CHD6: variants seen among roughly 807,000 people sequenced by gnomAD.
CHD6 encodes ATP-dependent chromatin remodeler CHD6.
Under a neutral mutation model 276.9 loss-of-function variants are expected in CHD6, and 50 were observed. The observed-to-expected ratio is 0.18, with a 90% CI of 0.14 to 0.23. CHD6 has a LOEUF of 0.23. Ranked by LOEUF, CHD6 falls within the 10% of genes least tolerant of loss-of-function variation. The pLI, the probability that CHD6 is intolerant of heterozygous loss-of-function variation, is 1.00. For missense variants in CHD6, 2,564 were observed against 3,365.8 expected, an observed-to-expected ratio of 0.76 and a Z score of 5.89; for synonymous variants, 1,173 against 1,229.3, an observed-to-expected ratio of 0.95 and a Z score of 0.96.
Position 41,528,064 on chromosome 20 carries a change from T to G in CHD6, c.554+4986A>C, listed in dbSNP as rs557759242. On this transcript the variant is annotated intron_variant, in intron 3 of 36. Coordinates refer to ENST00000373233, the MANE Select transcript of CHD6 (RefSeq NM_032221.5). ...TTTCTGTTCATTATACATTATCCAGTCTGTGTATTCTGTTATAGCAACATA... is the reference window on the plus strand; with the variant it reads ...TTTCTGTTCATTATACATTATCCAGGCTGTGTATTCTGTTATAGCAACATA... Among the ~76,000 whole-genome samples, 5 of 152,318 alleles carry G rather than the reference T, an allele frequency of 3.3e-5. No individual in the cohort carries two copies. In the South Asian group the frequency reaches 1.0e-3, roughly 32 times the overall value.
chr20:41,591,996 G>T (rs1456217383), intron 1 of CHD6, among the ~76,000 whole-genome samples: 2 of 152,110 alleles, frequency 1.3e-5, no homozygotes, highest in African/African-American at 4.8e-5. Flanking sequence ...CTACTCAGGA[G>T]GCAGAGGCAA....
At position 41,416,634 on chromosome 20, in the gene CHD6, T is replaced by A. The variant is rs369607783; in HGVS notation, c.6440A>T (p.Glu2147Val). 6.2e-7 allele frequency: 1 copy of A among 1,613,794 alleles called. No individual in the cohort carries two copies. The highest frequency in any genetic ancestry group is 1.3e-5 in the African/African-American group (1 of 74,928). The part of the protein sequence containing the change: ...RTSLSEPEAA[E>V]HSFSNGAALA... ...TGCTGCGCCGTTGCTGAAGCTGTGT[T>A]CTGCTGCTTCCGGCTCTGAGAGGCT... is the stretch of plus-strand genomic sequence containing the variant. The change falls in exon 33 of 37, where the codon GAA becomes GTA. Residue 2147 changes from glutamate (E) to valine (V), a missense_variant. This residue lies in a region of CHD6 where 1,024 missense variants were observed against 1,047.9 expected (regional missense o/e 0.98). Transcript: ENST00000373233.
chr20:41,581,528 A>G (rs1601164048), intron 1 of CHD6, among the ~76,000 whole-genome samples: 2 of 152,080 alleles, frequency 1.3e-5, no homozygotes, highest in East Asian at 3.9e-4. Context: ...TACAAAAATT[A>G]GCTGGGTGTG....
chr20:41,458,003 ATAT>A (rs930608381), intron 17 of CHD6, among the ~76,000 whole-genome samples: 54 of 152,338 alleles, frequency 3.5e-4, no homozygotes, highest in African/African-American at 1.0e-3. Context: ...TGTAAAATAT[ATAT>A]TATTATCATT....
intron 1 of CHD6, among the ~76,000 whole-genome samples, chr20:41,608,449 C>G (rs996232978): frequency 1.3e-5 from 2 of 152,064 alleles, no homozygotes; most frequent in Non-Finnish European, 2.9e-5. Flanking sequence ...AATTATGGAG[C>G]CTTTCACATG....
At chr20:41,596,779 G>C (rs1378893187) in intron 1 of CHD6, among the ~76,000 whole-genome samples, 1 of 152,126 alleles carries the variant, frequency 6.6e-6, no homozygotes, top group Non-Finnish European at 1.5e-5. Flanking sequence ...GGATCCCCTT[G>C]GGCAGGGGAT....
chr20:41,495,043 T>TA (rs11317496), intron 8 of CHD6, among the ~76,000 whole-genome samples: 120 of 148,806 alleles, frequency 8.1e-4, no homozygotes, highest in African/African-American at 1.1e-3. Context: ...CTATCTGGGT[T>TA]AAAAAAAAAA....
intron 1 of CHD6, among the ~76,000 whole-genome samples, chr20:41,591,388 A>T (rs1479972878): frequency 6.6e-6 from 1 of 150,860 alleles, no homozygotes; most frequent in Non-Finnish European, 1.5e-5. Flanking sequence ...ATACACACAC[A>T]CACACACACA....
intron 1 of CHD6, among the ~76,000 whole-genome samples, chr20:41,561,700 T>C (rs1043750682): frequency 1.3e-5 from 2 of 152,204 alleles, no homozygotes; most frequent in African/African-American, 2.4e-5. Context: ...AATGTTTCTA[T>C]TCTATCTGGA....
chr20:41,486,467 G>T lies in CHD6; in HGVS notation c.2001+1198C>A, dbSNP rs141740546. ...AAAATCAATAGATAGGGCAAATGTA[G>T]GAATTAAGTTTGATTATTCACTGCT... On this transcript the variant is annotated intron_variant, in intron 14 of 36. Transcript: ENST00000373233. Among the ~76,000 whole-genome samples, 238 of 152,272 alleles carry T rather than the reference G, an allele frequency of 1.6e-3. 2 individuals are homozygous for T. The highest frequency in any genetic ancestry group is 5.4e-3 in the African/African-American group (224 of 41,558).
intron 23 of CHD6, among the ~76,000 whole-genome samples, chr20:41,448,745 T>C (rs544509579): frequency 2.0e-4 from 31 of 152,284 alleles, no homozygotes; most frequent in Middle Eastern, 3.4e-3. Flanking sequence ...GAAAGCATCA[T>C]TTCTACCTAT....
intron 3 of CHD6, among the ~76,000 whole-genome samples, chr20:41,519,178 G>A (rs2044324978): frequency 6.6e-6 from 1 of 152,202 alleles, no homozygotes; most frequent in African/African-American, 2.4e-5. Context: ...CGCTACTTGG[G>A]AGGCTGAGGT....
chr20:41,590,902 C>T (rs1487272593), intron 1 of CHD6, among the ~76,000 whole-genome samples: 2 of 151,658 alleles, frequency 1.3e-5, no homozygotes, highest in East Asian at 1.9e-4. Context: ...TATAAAGACA[C>T]ATGCACACGT....
At chr20:41,591,826 G>A (rs150503488) in intron 1 of CHD6, among the ~76,000 whole-genome samples, 3 of 152,194 alleles carry the variant, frequency 2.0e-5, no homozygotes, top group Non-Finnish European at 2.9e-5. Context: ...AAGGCTGGGC[G>A]CAGTGGCTCA....
chr20:41,476,032 C>T (rs1270696855), intron 16 of CHD6, among the ~76,000 whole-genome samples: 1 of 152,144 alleles, frequency 6.6e-6, no homozygotes, highest in Non-Finnish European at 1.5e-5. Flanking sequence ...TTGAGCTCCT[C>T]CCTCACTTTT....
At position 41,420,708 on chromosome 20, in the gene CHD6, G is replaced by A; in HGVS notation, c.5927C>T (p.Ala1976Val). 6.2e-7 allele frequency: 1 copy of A among 1,614,176 alleles called. No individual in the cohort carries two copies. The highest frequency in any genetic ancestry group is 2.2e-5 in the East Asian group (1 of 44,886). Residue 1976 changes from alanine to valine, a missense_variant, in exon 31 of 37, where the codon GCC becomes GTC. Coordinates refer to ENST00000373233, the MANE Select transcript of CHD6 (RefSeq NM_032221.5). Reference sequence around the variant, plus strand: ...AATAGCAGTGGGTTCACCCTCCATGGCGATAGTATTGGTTTTACTTTTGAA... The same window carrying A: ...AATAGCAGTGGGTTCACCCTCCATGACGATAGTATTGGTTTTACTTTTGAA... ...DLFKSKTNTI[A>V]MEGEPTAIPS...
chr20:41,556,115 G>C (rs2045231209), intron 1 of CHD6, among the ~76,000 whole-genome samples: 1 of 152,190 alleles, frequency 6.6e-6, no homozygotes, highest in Non-Finnish European at 1.5e-5. Context: ...AGTCAGGCGT[G>C]GCGGCGCGCA....
intron 1 of CHD6, among the ~76,000 whole-genome samples, chr20:41,588,665 G>A (rs1257010239): frequency 6.6e-6 from 1 of 152,138 alleles, no homozygotes; most frequent in Non-Finnish European, 1.5e-5. Context: ...ACTTCTCTAA[G>A]CTAGTTAGGC....
intron 1 of CHD6, among the ~76,000 whole-genome samples, chr20:41,566,742 T>A (rs2045359517): frequency 6.6e-6 from 1 of 152,118 alleles, no homozygotes; most frequent in Admixed American, 6.5e-5. Context: ...CCAAGTACAA[T>A]CCCTGTGTGG....
Sources: allele counts gnomAD v4.1 joint callset (sites outside exome capture counted in the v4.1 genomes callset), GRCh38; gene constraint gnomAD v4.1.1; regional missense constraint gnomAD v4.1.1; transcripts MANE v1.5; gene names NCBI Gene and HGNC (gene_info 2026-07-23, HGNC 2026-07-21).